The following CORO2B variants were observed in gnomAD, a reference collection of about 807,000 sequenced individuals.
The protein encoded by CORO2B is coronin 2B.
CORO2B carries 26 observed loss-of-function variants against 58.8 expected under a neutral mutation model. The observed-to-expected ratio is 0.44, with a 90% CI of 0.32 to 0.61. The LOEUF is 0.61. CORO2B is among the 20% of genes least tolerant of loss of function. CORO2B has a pLI of 0.04. For missense variants in CORO2B, 460 were observed against 645.1 expected (o/e 0.71, Z 3.11); for synonymous variants, 242 against 253.8 (o/e 0.95, Z 0.44).
the CORO2B span, among the ~76,000 whole-genome samples, chr15:68,551,967 G>T: frequency 7.2e-5 from 11 of 152,122 alleles, no homozygotes; most frequent in East Asian, 2.1e-3. Flanking sequence ...GGTGGGTGGG[G>T]GCCGGGGGAG....
At chr15:68,600,775 C>G (rs991109738) in intron 1 of CORO2B, among the ~76,000 whole-genome samples, 2 of 152,198 alleles carry the variant, frequency 1.3e-5, no homozygotes, top group Non-Finnish European at 2.9e-5. Flanking sequence ...AATGGGACAG[C>G]CCTGGCCCAG....
At chr15:68,708,229 C>A (rs1244443237) in intron 3 of CORO2B, among the ~76,000 whole-genome samples, 3 of 152,068 alleles carry the variant, frequency 2.0e-5, no homozygotes, top group African/African-American at 7.2e-5. Flanking sequence ...GAGGGAAATG[C>A]TTATTCTTAT....
intron 2 of CORO2B, among the ~76,000 whole-genome samples, chr15:68,684,629 C>A (rs1282890977): frequency 6.6e-6 from 1 of 152,222 alleles, no homozygotes; most frequent in Non-Finnish European, 1.5e-5. Flanking sequence ...AACATGAGAC[C>A]CCCTCCCGCC....
chr15:68,679,241 T>C (rs1902694262), intron 2 of CORO2B, among the ~76,000 whole-genome samples: 1 of 152,230 alleles, frequency 6.6e-6, no homozygotes, highest in Non-Finnish European at 1.5e-5. Context: ...GGTTCTTGTC[T>C]GTGTTTGGTG....
chr15:68,602,409 A>T (rs1238654279), intron 1 of CORO2B, among the ~76,000 whole-genome samples: 81 of 107,144 alleles, frequency 7.6e-4, no homozygotes, highest in Admixed American at 1.6e-3. Flanking sequence ...GGGGCTGATC[A>T]CACACACACA....
intron 9 of CORO2B, 87 bp downstream of exon 9, chr15:68,718,897 A>T: frequency 8.3e-7 from 1 of 1,203,804 alleles, no homozygotes; most frequent in Non-Finnish European, 1.2e-6. Flanking sequence ...GGAGAAACCC[A>T]GGTGAGAGAT....
chr15:68,719,544 G>C lies in CORO2B; in HGVS notation c.1303G>C (p.Glu435Gln). 2 of 1,613,440 alleles carry C rather than the reference G, an allele frequency of 1.2e-6. No homozygotes were observed. Among genetic ancestry groups the C allele is most frequent in the South Asian group, 2.2e-5 (2 of 90,954 alleles). Residue 435 changes from glutamate (E) to glutamine (Q), a missense_variant, in exon 11 of 12, where the codon GAG (glutamate) becomes CAG (glutamine). By Grantham distance (29) the Glu-to-Gln change is conservative. Transcript: ENST00000261861. ...DLLENVPPRT[E>Q]NELLRMFFRQ... ...ATTAGAAAATGTCCCACCCAGGACA[G>C]AGAATGAGGTAAGGAATGTAAGTTA...
the CORO2B span, among the ~76,000 whole-genome samples, chr15:68,559,408 C>A: frequency 1.3e-5 from 2 of 151,562 alleles, no homozygotes; most frequent in Admixed American, 1.3e-4. The surrounding 1 kb of genome is among the most constrained non-coding windows in gnomAD (Gnocchi z 4.3). Flanking sequence ...TCTTAAAGTG[C>A]GGTCAGAAGA....
chr15:68,706,253 AAC>A (rs1892782201), intron 3 of CORO2B, among the ~76,000 whole-genome samples: 2 of 152,128 alleles, frequency 1.3e-5, no homozygotes, highest in Admixed American at 1.3e-4. Flanking sequence ...CACCGCTTCC[AAC>A]ATCCCAACTT....
the CORO2B span, among the ~76,000 whole-genome samples, chr15:68,536,363 T>G: frequency 1.3e-5 from 2 of 152,232 alleles, no homozygotes; most frequent in African/African-American, 2.4e-5. Context: ...GTTTTGTGAT[T>G]TTGAATCTTG....
chr15:68,570,213 A>C, the CORO2B span, among the ~76,000 whole-genome samples: 1 of 152,226 alleles, frequency 6.6e-6, no homozygotes, highest in Non-Finnish European at 1.5e-5. Context: ...ATGTGACTGC[A>C]TGTAAGTCAT....
intron 1 of CORO2B, among the ~76,000 whole-genome samples, chr15:68,595,848 C>T (rs1899813547): frequency 6.6e-6 from 1 of 152,160 alleles, no homozygotes; most frequent in Admixed American, 6.5e-5. Context: ...AATGCGAGTC[C>T]TAAAGGCCGA....
intron 1 of CORO2B, among the ~76,000 whole-genome samples, chr15:68,611,484 T>A (rs1311554293): frequency 6.6e-6 from 1 of 152,170 alleles, no homozygotes; most frequent in Non-Finnish European, 1.5e-5. Flanking sequence ...GTTTCCCCAT[T>A]GTATTATTTA....
At chr15:68,621,256 G>C (rs111560506) in intron 1 of CORO2B, among the ~76,000 whole-genome samples, 10 of 152,316 alleles carry the variant, frequency 6.6e-5, no homozygotes. Flanking sequence ...ATCACACACT[G>C]CCTCCAGCCC....
At chr15:68,560,194 G>C in the CORO2B span, among the ~76,000 whole-genome samples, 2 of 152,210 alleles carry the variant, frequency 1.3e-5, no homozygotes, top group African/African-American at 2.4e-5. Flanking sequence ...GCTGCTAACT[G>C]TGCTCCCTAC....
At chr15:68,681,364 C>T (rs141494399) in intron 2 of CORO2B, among the ~76,000 whole-genome samples, 26 of 152,042 alleles carry the variant, frequency 1.7e-4, no homozygotes, top group African/African-American at 4.3e-4. Context: ...TTCTAAAGAC[C>T]GTGTCACAAG....
At chr15:68,559,517 G>A in the CORO2B span, 2 of 838,414 alleles carry the variant, frequency 2.4e-6, no homozygotes, top group Non-Finnish European at 2.9e-6. This position sits in a 1 kb window ranked among gnomAD's most constrained non-coding sequence, Gnocchi z 4.3. Context: ...GGGGTGGTGA[G>A]GGGGTAGCGG....
chr15:68,721,266 T>A (rs949352307), intron 11 of CORO2B, among the ~76,000 whole-genome samples: 4 of 152,136 alleles, frequency 2.6e-5, no homozygotes, highest in African/African-American at 9.7e-5. Flanking sequence ...GCAGGTAACT[T>A]GATAATTGCC....
At position 68,670,349 on chromosome 15, in the gene CORO2B, A is replaced by AT. The variant is rs1414643581; in HGVS notation, c.217-24783dup. ...ACCACTAAGCCTGGTTAATTTTTTAATTTTTTTTGGTAGAGACAGGGTTTC... is the reference window on the plus strand; with the variant it reads ...ACCACTAAGCCTGGTTAATTTTTTAATTTTTTTTTGGTAGAGACAGGGTTTC... On this transcript the variant is annotated intron_variant, in intron 2 of 11. Coordinates refer to ENST00000261861, the MANE Select transcript of CORO2B (RefSeq NM_006091.5). 3.3e-5 allele frequency among the ~76,000 whole-genome samples: 5 copies of AT among 151,778 alleles called. No individual in the cohort carries two copies. In the East Asian group the frequency reaches 5.8e-4, roughly 18 times the overall value.
Sources: gnomAD v4.1 joint callset for allele counts (sites outside exome capture counted in the v4.1 genomes callset) on GRCh38, gnomAD v4.1.1 for gene constraint, Gnocchi (gnomAD v3.1) non-coding constraint, MANE v1.5 for transcripts, NCBI Gene and HGNC (gene_info 2026-07-23, HGNC 2026-07-21) for gene names.